Variants in FAM169A observed in about 807,000 individuals in gnomAD.
The protein encoded by FAM169A is family with sequence similarity 169 member A.
Under a neutral mutation model 75.7 loss-of-function variants are expected in FAM169A, and 24 were observed. The ratio of observed to expected loss-of-function variants is 0.32; its 90% CI spans 0.23 to 0.45. The LOEUF (loss-of-function observed/expected upper bound fraction) is 0.45, where lower values mean the gene tolerates loss of function less well. Ranked by LOEUF, FAM169A falls within the 20% of genes least tolerant of loss-of-function variation. The probability of loss-of-function intolerance (pLI) is 1.00; values close to 1 mark genes in which losing one functional copy is unlikely to be tolerated. For synonymous variants in FAM169A, 271 were observed against 271.0 expected, an observed-to-expected ratio of 1.00 and a Z score of 0.00; for missense variants, 673 against 784.0, an observed-to-expected ratio of 0.86 and a Z score of 1.69.
intron 11 of FAM169A, among the ~76,000 whole-genome samples, chr5:74,784,607 TAAA>T (rs70976133): frequency 0.12 from 7,459 of 60,900 alleles, 260 homozygotes; most frequent in East Asian, 0.2. Flanking sequence ...CAACCCAGGC[TAAA>T]AAAAAAAAAA....
At chr5:74,785,506 A>T (rs1293680148) in intron 11 of FAM169A, among the ~76,000 whole-genome samples, 1 of 152,204 alleles carries the variant, frequency 6.6e-6, no homozygotes, top group Non-Finnish European at 1.5e-5. Flanking sequence ...TTATGCCTGT[A>T]ATCCCAGCAC....
At chr5:74,848,457 A>G (rs1437648793) in intron 1 of FAM169A, among the ~76,000 whole-genome samples, 1 of 152,192 alleles carries the variant, frequency 6.6e-6, no homozygotes, top group Admixed American at 6.5e-5. Context: ...AAAATCAAAT[A>G]TAGTATTTGT....
intron 6 of FAM169A, among the ~76,000 whole-genome samples, chr5:74,806,533 T>C (rs1022495349): frequency 2.0e-5 from 3 of 152,188 alleles, no homozygotes; most frequent in African/African-American, 7.2e-5. Context: ...AAAAGTATGA[T>C]CTATTAAGAT....
rs1183131955 is a variant in FAM169A at position 74,782,924 on chromosome 5, CCCTTA to C, written c.1464+2_1464+6del. 6.2e-7 allele frequency: 1 copy of C among 1,605,390 alleles called. No homozygotes were observed. Among genetic ancestry groups the C allele is most frequent in the East Asian group, 2.2e-5 (1 of 44,734 alleles). ...CTTTATTAAAAAATAGCTCATTGCC[CCCTTA>C]CCTTATCTGGTGCATCTACCTCAGG... is the stretch of plus-strand genomic sequence containing the variant. On this transcript the variant is annotated splice_donor_variant and splice_donor_5th_base_variant and intron_variant, in intron 12 of 12. Transcript: ENST00000687041. LOFTEE classifies it high-confidence loss of function.
chr5:74,810,914 G>T (rs1747157239), intron 6 of FAM169A, among the ~76,000 whole-genome samples: 1 of 140,986 alleles, frequency 7.1e-6, no homozygotes, highest in South Asian at 2.3e-4. Context: ...GTACTCAAGT[G>T]ATCCTCCTGC....
In FAM169A at chr5:74,779,475, T is replaced by C. The variant is rs1463696213; in HGVS notation, c.*1985A>G. 6.6e-6 allele frequency: 1 copy of C among 152,150 alleles called. No individual in the cohort carries two copies. Among genetic ancestry groups the C allele is most frequent in the Non-Finnish European group, 1.5e-5 (1 of 68,002 alleles). 9.4% of individuals were successfully genotyped at this position (152,150 alleles called of 1,614,324 possible). On this transcript the variant is annotated 3_prime_UTR_variant, in exon 13 of 13. Coordinates refer to ENST00000687041, the MANE Select transcript of FAM169A (RefSeq NM_001376049.1). ...AGTAAAAATAAAATATCTACAAGTG[T>C]TTTCAAATCTAAGAAATGAAACATG...
At chr5:74,859,348 G>A (rs1224655390) in intron 1 of FAM169A, among the ~76,000 whole-genome samples, 2 of 130,824 alleles carry the variant, frequency 1.5e-5, no homozygotes, top group African/African-American at 5.9e-5. Flanking sequence ...GGAGTGCCGT[G>A]GCACAATCTC....
At chr5:74,785,776 T>C (rs1431385370) in intron 11 of FAM169A, among the ~76,000 whole-genome samples, 1 of 152,176 alleles carries the variant, frequency 6.6e-6, no homozygotes, top group Admixed American at 6.6e-5. Context: ...CACACACGTA[T>C]GTATATATAT....
chr5:74,851,215 T>C (rs1195861302), intron 1 of FAM169A, among the ~76,000 whole-genome samples: 1 of 151,826 alleles, frequency 6.6e-6, no homozygotes, highest in Non-Finnish European at 1.5e-5. Context: ...GAGAAGAAAG[T>C]CAATTCCCCT....
chr5:74,846,047 CA>C, intron 1 of FAM169A, among the ~76,000 whole-genome samples: 1 of 152,160 alleles, frequency 6.6e-6, no homozygotes, highest in Admixed American at 6.5e-5. Flanking sequence ...ACTAGGAAAA[CA>C]GAACGTAATA....
Position 74,796,026 on chromosome 5 carries a change from A to G in FAM169A, c.1260+4T>C. ...TTCATTTTGCTGAATAAGTGATCTCATACCTTTTCACCATCTTGCTTCTCT... is the reference window on the plus strand; with the variant it reads ...TTCATTTTGCTGAATAAGTGATCTCGTACCTTTTCACCATCTTGCTTCTCT... On this transcript the variant is annotated splice_donor_region_variant and intron_variant, in intron 11 of 12. Transcript: ENST00000687041. 3 of 1,610,716 alleles carry G rather than the reference A, an allele frequency of 1.9e-6. 1 individual carries two copies. The South Asian group carries it at 3.3e-5, about 18-fold the overall frequency.
In FAM169A at chr5:74,866,216, C is replaced by T; in HGVS notation, c.-55G>A. Reference sequence around the variant, plus strand: ...AAGAGCCCGGGAAAGGAGGCGGAGCCGCGCGAATGAATGGAGCCGGCGGCT... The same window carrying T: ...AAGAGCCCGGGAAAGGAGGCGGAGCTGCGCGAATGAATGGAGCCGGCGGCT... On this transcript the variant is annotated 5_prime_UTR_variant, in exon 1 of 13. Transcript: ENST00000687041. The T allele has an allele frequency of 3.0e-6, 3 of 984,340 alleles. No individual in the cohort carries two copies. Among genetic ancestry groups the T allele is most frequent in the Non-Finnish European group, 2.4e-6 (2 of 829,586 alleles). 61.0% of individuals were successfully genotyped at this position (984,340 alleles called of 1,614,324 possible).
chr5:74,791,561 T>C (rs1745977445), intron 11 of FAM169A, among the ~76,000 whole-genome samples: 2 of 152,210 alleles, frequency 1.3e-5, no homozygotes, highest in Non-Finnish European at 2.9e-5. Context: ...CAGTGTTGGC[T>C]GGGGTGACTG....
At chr5:74,784,011 G>T (rs1172961928) in intron 11 of FAM169A, among the ~76,000 whole-genome samples, 2 of 151,982 alleles carry the variant, frequency 1.3e-5, no homozygotes, top group South Asian at 4.1e-4. Flanking sequence ...AATAAAAATT[G>T]TCTATAAAAT....
intron 1 of FAM169A, among the ~76,000 whole-genome samples, chr5:74,854,920 G>A (rs1347800789): frequency 6.6e-6 from 1 of 152,128 alleles, no homozygotes; most frequent in South Asian, 2.1e-4. Context: ...ATAAACACGG[G>A]AGTGCAGAAA....
intron 1 of FAM169A, among the ~76,000 whole-genome samples, chr5:74,858,249 G>A (rs1006281475): frequency 7.2e-5 from 11 of 152,086 alleles, no homozygotes; most frequent in East Asian, 3.9e-4. Flanking sequence ...TTAGCTGGGC[G>A]TGGTGGTAGG....
intron 5 of FAM169A, among the ~76,000 whole-genome samples, chr5:74,825,085 T>C (rs1288259073): frequency 6.6e-6 from 1 of 152,158 alleles, no homozygotes; most frequent in African/African-American, 2.4e-5. Flanking sequence ...TGAATGTTTA[T>C]TTTTATCTTT....
intron 1 of FAM169A, among the ~76,000 whole-genome samples, chr5:74,858,720 C>T (rs954604610): frequency 6.6e-6 from 1 of 152,042 alleles, no homozygotes; most frequent in Non-Finnish European, 1.5e-5. Context: ...TGCACATGTC[C>T]TCCCGAACCT....
chr5:74,856,942 T>C (rs2112733114), intron 1 of FAM169A, among the ~76,000 whole-genome samples: 1 of 151,384 alleles, frequency 6.6e-6, no homozygotes, highest in Non-Finnish European at 1.5e-5. Context: ...ACCCCATCTC[T>C]ACTAAAAATA....
Sources: gnomAD v4.1 joint callset for allele counts (sites outside exome capture counted in the v4.1 genomes callset) on GRCh38, gnomAD v4.1.1 for gene constraint, MANE v1.5 for transcripts, NCBI Gene and HGNC (gene_info 2026-07-23, HGNC 2026-07-21) for gene names.